Variants in LIPH observed in about 807,000 individuals in gnomAD.
The protein encoded by LIPH is lipase member H.
Under a neutral mutation model 47.6 loss-of-function variants are expected in LIPH, and 32 were observed. That is an observed-to-expected ratio of 0.67 (90% confidence interval 0.51 to 0.90). The LOEUF is 0.90. LIPH is among the 40% of genes least tolerant of loss of function. The pLI is 0.00. For missense variants in LIPH, 497 were observed against 541.4 expected, an observed-to-expected ratio of 0.92 and a Z score of 0.81; for synonymous variants, 190 against 195.6, an observed-to-expected ratio of 0.97 and a Z score of 0.24.
At chr3:185,535,451 A>AT (rs1487464179) in intron 1 of LIPH, among the ~76,000 whole-genome samples, 1 of 151,928 alleles carries the variant, frequency 6.6e-6, no homozygotes, top group Admixed American at 6.6e-5. Context: ...TAATTTGTGT[A>AT]TTTTTTGATA....
At chr3:185,534,528 A>G (rs192213956) in intron 2 of LIPH, among the ~76,000 whole-genome samples, 29 of 152,304 alleles carry the variant, frequency 1.9e-4, no homozygotes, top group Non-Finnish European at 1.5e-4. Flanking sequence ...TAAATCTATA[A>G]TGTCACAATG....
chr3:185,543,545 A>T (rs943290672), intron 1 of LIPH, among the ~76,000 whole-genome samples: 1 of 152,194 alleles, frequency 6.6e-6, no homozygotes, highest in Non-Finnish European at 1.5e-5. Flanking sequence ...GCAGTGTTTG[A>T]GGCCACTTAA....
rs1000667584 is a variant in LIPH at position 185,519,203 on chromosome 3, A to T, written c.825T>A (p.Asp275Glu). ...ITAYPCDSYQDYRNGKCVSCG... is the reference protein window; with the variant it reads ...ITAYPCDSYQEYRNGKCVSCG... ...AGCTGACACACTTGCCATTCCTATA[A>T]TCCTGGTAGGAGTCACAGGGATACG... The change falls in exon 6 of 10, where the codon GAT becomes GAA. Residue 275 changes from aspartate (D) to glutamate (E), a missense_variant. Asp to Glu is a conservative substitution (Grantham distance 45, BLOSUM62 2). Transcript: ENST00000296252. 2 of 1,613,644 alleles carry T rather than the reference A, an allele frequency of 1.2e-6. No homozygotes were observed. Among genetic ancestry groups the T allele is most frequent in the African/African-American group, 2.7e-5 (2 of 74,880 alleles).
At chr3:185,533,771 A>G in intron 2 of LIPH, 92 bp from the exon 3 acceptor site, 1 of 797,922 alleles carries the variant, frequency 1.3e-6, no homozygotes, top group Non-Finnish European at 2.2e-6. Context: ...TTGGAGAAGT[A>G]ATTCTAAGCA....
At chr3:185,550,546 A>G (rs1721019688) in intron 1 of LIPH, among the ~76,000 whole-genome samples, 1 of 152,156 alleles carries the variant, frequency 6.6e-6, no homozygotes. Context: ...TCCCTGACCC[A>G]TTTAAGATAC....
At chr3:185,517,424 T>C (rs915892620) in intron 6 of LIPH, among the ~76,000 whole-genome samples, 3 of 152,114 alleles carry the variant, frequency 2.0e-5, no homozygotes, top group Non-Finnish European at 4.4e-5. Flanking sequence ...AGGTGTGGGG[T>C]GTGGCACACA....
intron 1 of LIPH, among the ~76,000 whole-genome samples, chr3:185,539,973 C>G (rs939081021): frequency 6.6e-6 from 1 of 152,224 alleles, no homozygotes; most frequent in Non-Finnish European, 1.5e-5. Flanking sequence ...ATGTGGCACT[C>G]TCTAATTGGA....
At chr3:185,524,954 C>T (rs1034916926) in intron 4 of LIPH, among the ~76,000 whole-genome samples, 10 of 152,010 alleles carry the variant, frequency 6.6e-5, no homozygotes, top group African/African-American at 1.9e-4. Context: ...ATATATAGGT[C>T]GGGTGCAGTG....
chr3:185,551,069 G>A (rs1468040590), intron 1 of LIPH, among the ~76,000 whole-genome samples: 2 of 152,120 alleles, frequency 1.3e-5, no homozygotes, highest in African/African-American at 4.8e-5. Context: ...AGCTATTTGG[G>A]AGGCTGAGGC....
intron 5 of LIPH, among the ~76,000 whole-genome samples, chr3:185,522,662 G>GAAAGAAAGAA (rs1285481364): frequency 4.1e-5 from 1 of 24,188 alleles, no homozygotes; most frequent in African/African-American, 1.8e-4. Flanking sequence ...AAGAAAGAAA[G>GAAAGAAAGAA]AAAGAAAGAA....
chr3:185,519,827 A>C (rs1334800676), intron 5 of LIPH, among the ~76,000 whole-genome samples: 2 of 97,806 alleles, frequency 2.0e-5, no homozygotes, highest in East Asian at 3.6e-4. Context: ...ACAGAGTGAC[A>C]CTCCATCTCA....
At chr3:185,548,373 C>G (rs574549671) in intron 1 of LIPH, among the ~76,000 whole-genome samples, 5 of 150,900 alleles carry the variant, frequency 3.3e-5, no homozygotes, top group Admixed American at 3.3e-4. Context: ...CCACTGCACT[C>G]CAGCCTGGTG....
intron 6 of LIPH, among the ~76,000 whole-genome samples, chr3:185,517,381 C>A (rs1344872405): frequency 2.6e-5 from 4 of 152,142 alleles, no homozygotes; most frequent in Admixed American, 2.6e-4. Context: ...CAGTTGTTTT[C>A]CCCCTTTACT....
chr3:185,550,814 C>A (rs1481459048), intron 1 of LIPH, among the ~76,000 whole-genome samples: 2 of 152,108 alleles, frequency 1.3e-5, no homozygotes, highest in African/African-American at 2.4e-5. Context: ...GTGATCCACG[C>A]GCCTTGGCCT....
chr3:185,547,785 A>G (rs1198552584), intron 1 of LIPH, among the ~76,000 whole-genome samples: 2 of 151,478 alleles, frequency 1.3e-5, no homozygotes, highest in African/African-American at 4.9e-5. Context: ...AGATCGCGCC[A>G]CTGCACTCCA....
chr3:185,526,604 A>T (rs1720087773), intron 4 of LIPH, among the ~76,000 whole-genome samples: 1 of 125,512 alleles, frequency 8.0e-6, no homozygotes, highest in Admixed American at 9.3e-5. Flanking sequence ...ATAAAATAAA[A>T]TAAAAAATAA....
chr3:185,514,330 G>A, intron 8 of LIPH, 80 bp downstream of exon 8: 2 of 774,298 alleles, frequency 2.6e-6, no homozygotes, highest in Admixed American at 1.7e-5. Context: ...CTATAAATAA[G>A]AAAGTAGGTG....
intron 3 of LIPH, among the ~76,000 whole-genome samples, chr3:185,530,439 C>T (rs1315053105): frequency 3.3e-5 from 5 of 152,046 alleles, no homozygotes; most frequent in Non-Finnish European, 7.4e-5. Flanking sequence ...GATCGTGCCA[C>T]TGTACTCCAG....
chr3:185,535,314 T>A (rs1340610762), intron 1 of LIPH, among the ~76,000 whole-genome samples, 182 bp from the exon 2 acceptor site: 2 of 152,154 alleles, frequency 1.3e-5, no homozygotes, highest in African/African-American at 2.4e-5. Flanking sequence ...GGTTTCACTC[T>A]CACCCAAGCT....
Sources: gnomAD v4.1 joint callset for allele counts (sites outside exome capture counted in the v4.1 genomes callset) on GRCh38, gnomAD v4.1.1 for gene constraint, MANE v1.5 for transcripts, NCBI Gene and HGNC (gene_info 2026-07-23, HGNC 2026-07-21) for gene names.